Variants in PDGFC observed in about 807,000 individuals in gnomAD.
The protein encoded by PDGFC is platelet derived growth factor C, also known as platelet-derived growth factor C.
PDGFC carries 12 observed loss-of-function variants against 35.5 expected under a neutral mutation model. The observed-to-expected ratio is 0.34, with a 90% CI of 0.22 to 0.55. The LOEUF (loss-of-function observed/expected upper bound fraction) is 0.55, where lower values mean the gene tolerates loss of function less well. PDGFC is among the 20% of genes least tolerant of loss of function. The pLI is 0.91. For synonymous variants in PDGFC, 159 were observed against 148.8 expected (o/e 1.07, Z -0.50); for missense variants, 322 against 412.4 (o/e 0.78, Z 1.90).
At chr4:156,953,280 A>G (rs1732125008) in intron 1 of PDGFC, among the ~76,000 whole-genome samples, 1 of 151,886 alleles carries the variant, frequency 6.6e-6, no homozygotes, top group South Asian at 2.1e-4. Context: ...ATATAGGACC[A>G]CCTCTCAAAG....
At chr4:156,781,814 T>TA in intron 3 of PDGFC, among the ~76,000 whole-genome samples, 1 of 152,176 alleles carries the variant, frequency 6.6e-6, no homozygotes, top group East Asian at 1.9e-4. Context: ...AAAACTGGTA[T>TA]AAGGATTAAG....
In PDGFC at chr4:156,971,664, TC is replaced by T. The variant is rs1437294027; in HGVS notation, c.-762del. 2.0e-5 allele frequency among the ~76,000 whole-genome samples: 3 copies of T among 151,548 alleles called. No homozygotes were observed. The highest frequency in any genetic ancestry group is 4.4e-5 in the Non-Finnish European group (3 of 67,868). On this transcript the variant is annotated 5_prime_UTR_variant, in exon 1 of 6. Coordinates refer to ENST00000502773, the MANE Select transcript of PDGFC (RefSeq NM_016205.3). ...CCAAAGTTCACCTTGTTCGGGCTCG[TC>T]CCCCGCTCCTCAAAGCCTGGGGCAA...
At chr4:156,936,621 G>A (rs1166685629) in intron 1 of PDGFC, among the ~76,000 whole-genome samples, 1 of 152,016 alleles carries the variant, frequency 6.6e-6, no homozygotes, top group Admixed American at 6.6e-5. Flanking sequence ...TGGAAAAAGA[G>A]GAAATATTTG....
intron 1 of PDGFC, among the ~76,000 whole-genome samples, chr4:156,934,895 T>C (rs771807055): frequency 2.0e-5 from 3 of 152,230 alleles, no homozygotes; most frequent in Non-Finnish European, 4.4e-5. Flanking sequence ...GGGGCAATAA[T>C]AGGCATGGAC....
At chr4:156,769,491 A>G (rs547013782) in intron 4 of PDGFC, among the ~76,000 whole-genome samples, 4 of 151,994 alleles carry the variant, frequency 2.6e-5, no homozygotes, top group Non-Finnish European at 5.9e-5. Context: ...ACCTGAGTCA[A>G]GTATAGGAAA....
chr4:156,947,707 T>TCCTGA (rs1358835555), intron 1 of PDGFC, among the ~76,000 whole-genome samples: 4 of 151,990 alleles, frequency 2.6e-5, no homozygotes, highest in Non-Finnish European at 4.4e-5. Context: ...TTAAACTGAA[T>TCCTGA]CCTTGATTCA....
At chr4:156,779,957 C>A (rs1730931494) in intron 3 of PDGFC, among the ~76,000 whole-genome samples, 1 of 152,138 alleles carries the variant, frequency 6.6e-6, no homozygotes. Context: ...GCTGGTGAGT[C>A]AGAGTCAATA....
intron 1 of PDGFC, among the ~76,000 whole-genome samples, chr4:156,867,062 T>TA (rs1015683274): frequency 1.3e-5 from 2 of 152,284 alleles, no homozygotes; most frequent in South Asian, 2.1e-4. Flanking sequence ...GAGTACGTTA[T>TA]AAAAAAAGTA....
At chr4:156,923,787 A>T (rs1042877552) in intron 1 of PDGFC, among the ~76,000 whole-genome samples, 1 of 152,138 alleles carries the variant, frequency 6.6e-6, no homozygotes, top group Non-Finnish European at 1.5e-5. Flanking sequence ...ATTTACTAAT[A>T]CATGTAACGA....
chr4:156,880,203 A>G (rs79625777), intron 1 of PDGFC, among the ~76,000 whole-genome samples: 9,340 of 152,198 alleles, frequency 0.061, 381 homozygotes, highest in Middle Eastern at 0.11. Flanking sequence ...TAGTGAGGAA[A>G]AGTCAAAGGC....
At chr4:156,894,997 T>C (rs1296952090) in intron 1 of PDGFC, among the ~76,000 whole-genome samples, 1 of 152,202 alleles carries the variant, frequency 6.6e-6, no homozygotes, top group Non-Finnish European at 1.5e-5. Context: ...GTCCATTTTA[T>C]ATTTGTTACT....
intron 1 of PDGFC, among the ~76,000 whole-genome samples, chr4:156,952,893 T>C (rs1239061579): frequency 6.6e-6 from 1 of 151,910 alleles, no homozygotes. Flanking sequence ...GAATAACTAG[T>C]CTGAAAGAAT....
chr4:156,827,280 G>A (rs976886725), intron 2 of PDGFC, among the ~76,000 whole-genome samples: 1 of 152,066 alleles, frequency 6.6e-6, no homozygotes, highest in African/African-American at 2.4e-5. Context: ...AGCCGGGTGT[G>A]GTGGCGGGCA....
In PDGFC at chr4:156,795,638, A is replaced by G. The variant is rs931457921; in HGVS notation, c.495+15199T>C. On this transcript the variant is annotated intron_variant, in intron 3 of 5. Coordinates refer to ENST00000502773, the MANE Select transcript of PDGFC (RefSeq NM_016205.3). ...AAATATGTTCATGAGCAGACTTCCA[A>G]TGAATTCTAAAATTAAGAAATACTT... 6.6e-5 allele frequency among the ~76,000 whole-genome samples: 10 copies of G among 152,328 alleles called. No individual in the cohort carries two copies. In the East Asian group the frequency reaches 9.6e-4, roughly 15 times the overall value.
At chr4:156,942,836 T>C (rs1045595885) in intron 1 of PDGFC, among the ~76,000 whole-genome samples, 3 of 151,790 alleles carry the variant, frequency 2.0e-5, no homozygotes, top group African/African-American at 7.3e-5. Flanking sequence ...TGAATGATTA[T>C]GAATACAATG....
intron 1 of PDGFC, among the ~76,000 whole-genome samples, chr4:156,957,999 T>C (rs550798052): frequency 7.8e-4 from 119 of 152,098 alleles, no homozygotes; most frequent in African/African-American, 2.8e-3. Context: ...TCAAAAAATA[T>C]ATATCTCCCC....
At chr4:156,765,574 G>A (rs1730501482) in intron 5 of PDGFC, among the ~76,000 whole-genome samples, 1 of 152,024 alleles carries the variant, frequency 6.6e-6, no homozygotes, top group African/African-American at 2.4e-5. Flanking sequence ...CAGATTTTTA[G>A]GTTTGTCTGT....
intron 3 of PDGFC, among the ~76,000 whole-genome samples, chr4:156,793,760 C>G (rs542082159): frequency 6.6e-5 from 10 of 151,452 alleles, no homozygotes; most frequent in African/African-American, 2.4e-4. Context: ...AAACACTGGG[C>G]TAAGCATTTC....
chr4:156,765,582 TG>T (rs1730501738), intron 5 of PDGFC, among the ~76,000 whole-genome samples: 1 of 152,158 alleles, frequency 6.6e-6, no homozygotes, highest in African/African-American at 2.4e-5. Context: ...TAGGTTTGTC[TG>T]TGCAAAACAA....
Sources: allele counts gnomAD v4.1 joint callset (sites outside exome capture counted in the v4.1 genomes callset), GRCh38; gene constraint gnomAD v4.1.1; transcripts MANE v1.5; gene names NCBI Gene and HGNC (gene_info 2026-07-23, HGNC 2026-07-21).